The following PRIM2 variants were observed in gnomAD, a reference collection of about 807,000 sequenced individuals.
PRIM2 encodes DNA primase subunit 2.
Under a neutral mutation model 67.3 loss-of-function variants are expected in PRIM2, and 39 were observed. That is an observed-to-expected ratio of 0.58 (90% CI 0.45 to 0.76). PRIM2 has a LOEUF of 0.76. Ranked by LOEUF, PRIM2 falls within the 30% of genes least tolerant of loss-of-function variation. The pLI is 0.00. For synonymous variants in PRIM2, 143 were observed against 198.7 expected (o/e 0.72, Z 2.36); for missense variants, 398 against 598.7 (o/e 0.66, Z 3.50).
intron 4 of PRIM2, among the ~76,000 whole-genome samples, chr6:57,324,820 C>CT (rs1159872649): frequency 2.6e-5 from 4 of 151,948 alleles, no homozygotes; most frequent in East Asian, 1.9e-4. Flanking sequence ...TTATGGCTGT[C>CT]TTTTTTTAAA....
At chr6:57,247,582 A>G in the PRIM2 span, among the ~76,000 whole-genome samples, 1 of 152,196 alleles carries the variant, frequency 6.6e-6, no homozygotes, top group African/African-American at 2.4e-5. Flanking sequence ...AATAGTATAA[A>G]TTCTCATTTA....
intron 8 of PRIM2, among the ~76,000 whole-genome samples, chr6:57,523,496 C>T (rs1258782144): frequency 1.3e-5 from 2 of 152,200 alleles, no homozygotes; most frequent in Non-Finnish European, 2.9e-5. Context: ...AACTATTCCA[C>T]TACTTCCTGT....
chr6:57,398,875 A>G (rs559817454), intron 7 of PRIM2, among the ~76,000 whole-genome samples: 30 of 152,122 alleles, frequency 2.0e-4, no homozygotes, highest in South Asian at 1.7e-3. Flanking sequence ...CTTTTATTCA[A>G]TTGAAGTCTT....
intron 7 of PRIM2, among the ~76,000 whole-genome samples, chr6:57,392,222 T>G (rs1770376811): frequency 6.6e-6 from 1 of 152,188 alleles, no homozygotes; most frequent in Non-Finnish European, 1.5e-5. Flanking sequence ...TCATTGATTT[T>G]GTATCCTGGA....
intron 5 of PRIM2, among the ~76,000 whole-genome samples, chr6:57,326,676 A>G (rs1361398015): frequency 1.3e-5 from 2 of 152,050 alleles, no homozygotes; most frequent in African/African-American, 2.4e-5. Flanking sequence ...AGCTGAGATC[A>G]TGCCGCTGCA....
chr6:57,331,514 A>T (rs1470626882), intron 5 of PRIM2, among the ~76,000 whole-genome samples: 1 of 152,142 alleles, frequency 6.6e-6, no homozygotes, highest in Middle Eastern at 3.2e-3. Flanking sequence ...TTTACCAGTG[A>T]ATTAATCTGG....
chr6:57,301,833 C>T, the PRIM2 span, among the ~76,000 whole-genome samples: 16 of 152,076 alleles, frequency 1.1e-4, no homozygotes, highest in African/African-American at 3.9e-4. Context: ...ATAACAACAA[C>T]AGAAAAAGAA....
chr6:57,236,770 T>A, the PRIM2 span, among the ~76,000 whole-genome samples: 112 of 152,288 alleles, frequency 7.4e-4, no homozygotes, highest in Middle Eastern at 3.4e-3. Context: ...GCTGCATAGT[T>A]TTCCATGTTG....
chr6:57,229,614 G>A, the PRIM2 span, among the ~76,000 whole-genome samples: 145,498 of 152,158 alleles, frequency 0.96, 69,595 homozygotes, highest in South Asian at 0.99. Flanking sequence ...TAGCCTCCCG[G>A]GTAGCTGGGA....
intron 7 of PRIM2, among the ~76,000 whole-genome samples, chr6:57,503,422 CT>C (rs1774180931): frequency 1.3e-5 from 2 of 152,154 alleles, no homozygotes; most frequent in African/African-American, 4.8e-5. Flanking sequence ...ACCCAGCCCC[CT>C]CCACCAAAAA....
In PRIM2 at chr6:57,545,352, T is replaced by C. The variant is rs1389333819; in HGVS notation, c.1020+7727T>C. Among the ~76,000 whole-genome samples, 41 of 152,218 alleles carry C rather than the reference T, an allele frequency of 2.7e-4. 1 individual carries two copies. The highest frequency in any genetic ancestry group is 7.7e-4 in the African/African-American group (32 of 41,462). ...GCCGATTTTTATTGTGTGTTTATCATGAACATATACCATTCTGAAGATACT... is the reference window on the plus strand; with the variant it reads ...GCCGATTTTTATTGTGTGTTTATCACGAACATATACCATTCTGAAGATACT... On this transcript the variant is annotated intron_variant, in intron 10 of 13. Transcript: ENST00000615550.
At chr6:57,303,082 A>G in the PRIM2 span, among the ~76,000 whole-genome samples, 1 of 152,314 alleles carries the variant, frequency 6.6e-6, no homozygotes, top group East Asian at 1.9e-4. Context: ...TTCTATGTTT[A>G]TAGCTAATAT....
intron 5 of PRIM2, among the ~76,000 whole-genome samples, chr6:57,361,037 G>A (rs1456424290): frequency 6.6e-6 from 1 of 152,124 alleles, no homozygotes; most frequent in African/African-American, 2.4e-5. Flanking sequence ...TTTTATTACA[G>A]TGTGAATAAA....
chr6:57,496,222 A>G (rs1242076941), intron 7 of PRIM2, among the ~76,000 whole-genome samples: 1 of 152,226 alleles, frequency 6.6e-6, no homozygotes, highest in Non-Finnish European at 1.5e-5. Flanking sequence ...ATTACTTAAT[A>G]AAGAATGTAT....
chr6:57,297,030 T>C, the PRIM2 span, among the ~76,000 whole-genome samples: 134 of 152,266 alleles, frequency 8.8e-4, no homozygotes, highest in Middle Eastern at 3.4e-3. Flanking sequence ...TAAGTTTCCA[T>C]GAGTTCACTG....
intron 5 of PRIM2, among the ~76,000 whole-genome samples, chr6:57,345,792 T>G (rs1768656229): frequency 6.6e-6 from 1 of 152,206 alleles, no homozygotes; most frequent in South Asian, 2.1e-4. Flanking sequence ...TGGCTATTTT[T>G]AAGGTTATTT....
intron 12 of PRIM2, among the ~76,000 whole-genome samples, chr6:57,631,185 A>G (rs1407108319): frequency 1.3e-5 from 2 of 152,284 alleles, no homozygotes; most frequent in East Asian, 3.9e-4. Flanking sequence ...GATAGCAAGA[A>G]TTTGAGACCC....
Position 57,646,403 on chromosome 6 carries a change from G to T in PRIM2, c.*245G>T, listed in dbSNP as rs1777335923. On this transcript the variant is annotated 3_prime_UTR_variant, in exon 14 of 14. Coordinates refer to ENST00000615550, the MANE Select transcript of PRIM2 (RefSeq NM_000947.5). The stretch of plus-strand genomic sequence containing the variant: ...CAATTTTTTTTTGTAGAGGTGGGGG[G>T]TCTCCCTATGTTGCCCAGGCAGATC... 2 of 420,258 alleles carry T rather than the reference G, an allele frequency of 4.8e-6. No homozygotes were observed. Among genetic ancestry groups the T allele is most frequent in the African/African-American group, 2.0e-5 (1 of 49,448 alleles). The allele number at this position is 420,258 out of a possible 1,614,324, so 26.0% of individuals were successfully genotyped here.
At chr6:57,331,154 C>G (rs1768045472) in intron 5 of PRIM2, among the ~76,000 whole-genome samples, 1 of 150,700 alleles carries the variant, frequency 6.6e-6, no homozygotes, top group African/African-American at 2.4e-5. Context: ...TACCACTGCA[C>G]TCCAGCTTGG....
Sources: allele counts gnomAD v4.1 joint callset (sites outside exome capture counted in the v4.1 genomes callset), GRCh38; gene constraint gnomAD v4.1.1; transcripts MANE v1.5; gene names NCBI Gene and HGNC (gene_info 2026-07-23, HGNC 2026-07-21).